Variants in NBPF12 observed in about 807,000 individuals in gnomAD.
NBPF12 encodes NBPF member 12, also known as NBPF family member NBPF12.
NBPF12 carries 115 observed loss-of-function variants against 146.4 expected under a neutral mutation model. The observed-to-expected ratio is 0.79, with a 90% CI of 0.68 to 0.92. The LOEUF is 0.92. Ranked by LOEUF, NBPF12 falls within the 40% of genes least tolerant of loss-of-function variation. The pLI is 0.00. For synonymous variants in NBPF12, 385 were observed against 508.9 expected, an observed-to-expected ratio of 0.76 and a Z score of 3.28; for missense variants, 1,205 against 1,326.8, an observed-to-expected ratio of 0.91 and a Z score of 1.43.
intron 6 of NBPF12, among the ~76,000 whole-genome samples, 192 bp from the exon 10 acceptor site, chr1:146,964,165 C>T (rs1260214687): frequency 6.7e-6 from 1 of 148,578 alleles, no homozygotes; most frequent in Non-Finnish European, 1.5e-5. Flanking sequence ...TGATGGTGGC[C>T]CTCCACATCA....
intron 5 of NBPF12, 65 bp downstream of exon 8, chr1:146,962,328 G>A (rs1414687666): frequency 3.3e-5 from 45 of 1,356,862 alleles, no homozygotes; most frequent in Middle Eastern, 2.5e-4. Flanking sequence ...ACAGCAGCTC[G>A]GCGGGGAGAA....
chr1:146,976,577 A>T (rs1657042893), intron 16 of NBPF12, among the ~76,000 whole-genome samples: 3 of 146,060 alleles, frequency 2.1e-5, no homozygotes, highest in Admixed American at 6.9e-5. Flanking sequence ...ATTAGGTTTG[A>T]AATGCAAACT....
chr1:146,972,644 C>G (rs1553886731), intron 13 of NBPF12, 107 bp from the exon 17 acceptor site: 1 of 1,011,780 alleles, frequency 9.9e-7, no homozygotes, highest in Admixed American at 1.7e-5. Flanking sequence ...GAAACAACAT[C>G]TTCAAATAAG....
At chr1:146,984,516 A>C (rs1657603368) in intron 21 of NBPF12, among the ~76,000 whole-genome samples, 1 of 150,552 alleles carries the variant, frequency 6.6e-6, no homozygotes, top group Non-Finnish European at 1.5e-5. Context: ...GAGAGCACAA[A>C]TACAGAGTGT....
intron 10 of NBPF12, 140 bp from the exon 14 acceptor site, chr1:146,969,242 A>C: frequency 9.3e-7 from 1 of 1,069,634 alleles, no homozygotes; most frequent in Non-Finnish European, 1.4e-6. Flanking sequence ...TCTCTTGGCC[A>C]CAGTCATTCC....
At chr1:146,946,366 G>A (rs1324721865), upstream of NBPF12, among the ~76,000 whole-genome samples, 6 of 151,250 alleles carry the variant, frequency 4.0e-5, no homozygotes, top group African/African-American at 9.8e-5. Context: ...TGTGTTCACC[G>A]TTTTGTGTTT....
At chr1:146,938,348 G>A (rs1363074530), upstream of NBPF12, among the ~76,000 whole-genome samples, 3 of 152,128 alleles carry the variant, frequency 2.0e-5, no homozygotes, top group Non-Finnish European at 2.9e-5. Context: ...GGGGCGGTGC[G>A]GCAGCGCGAA....
intron 1 of NBPF12, among the ~76,000 whole-genome samples, chr1:146,940,358 T>C (rs1654743005): frequency 6.6e-6 from 1 of 151,860 alleles, no homozygotes; most frequent in Non-Finnish European, 1.5e-5. Flanking sequence ...AATTCCAGCA[T>C]TTCGGGAGGC....
chr1:146,963,741 T>A (rs1325438332), intron 6 of NBPF12, among the ~76,000 whole-genome samples: 1 of 149,520 alleles, frequency 6.7e-6, no homozygotes, highest in Admixed American at 6.7e-5. Flanking sequence ...AATTGTTTCT[T>A]GCAAGGGTCT....
At chr1:146,971,101 T>A in intron 12 of NBPF12, 82 bp from the exon 16 acceptor site, 18 of 1,602,534 alleles carry the variant, frequency 1.1e-5, no homozygotes, top group Non-Finnish European at 1.5e-5. Context: ...TAATGCCGCT[T>A]GTCAAAACCA....
At chr1:146,973,071 A>C in intron 14 of NBPF12, 111 bp downstream of exon 17, 1 of 663,968 alleles carries the variant, frequency 1.5e-6, no homozygotes. Flanking sequence ...CCATACTTCT[A>C]GGAAAACAGA....
chr1:146,961,656 A>G (rs1236849262), intron 4 of NBPF12, among the ~76,000 whole-genome samples: 5 of 152,026 alleles, frequency 3.3e-5, no homozygotes, highest in African/African-American at 9.7e-5. Flanking sequence ...TATGCTTCAG[A>G]TATGATTCTT....
At chr1:146,962,413 G>C (rs1409509468) in intron 5 of NBPF12, 150 bp downstream of exon 8, 13 of 666,274 alleles carry the variant, frequency 2.0e-5, no homozygotes, top group African/African-American at 3.7e-5. Flanking sequence ...ATTTATCAGA[G>C]AACAAGGATA....
intron 4 of NBPF12, 41 bp from the exon 8 acceptor site, chr1:146,962,120 C>A: frequency 1.2e-6 from 2 of 1,600,668 alleles, no homozygotes; most frequent in East Asian, 4.5e-5. Flanking sequence ...AGCAGCATGT[C>A]CAGCCTTCCA....
upstream of NBPF12, among the ~76,000 whole-genome samples, chr1:146,944,394 G>T (rs1570810004): frequency 6.9e-6 from 1 of 145,396 alleles, no homozygotes; most frequent in African/African-American, 2.5e-5. Context: ...TCCTGGGGGA[G>T]TGGGAGCCAG....
At chr1:146,989,266 G>A (rs1415735913) in intron 27 of NBPF12, among the ~76,000 whole-genome samples, 1 of 143,244 alleles carries the variant, frequency 7.0e-6, no homozygotes, top group South Asian at 2.2e-4. Flanking sequence ...TGTCATGAGG[G>A]CACTAACTCA....
At chr1:146,951,245 G>A (rs1655312858) in intron 1 of NBPF12, 103 bp from the exon 5 acceptor site, 3 of 675,282 alleles carry the variant, frequency 4.4e-6, no homozygotes, top group Admixed American at 2.2e-5. Context: ...GGGCACTCAA[G>A]TGAACAGGGC....
At chr1:146,964,261 C>G (rs1656048737) in intron 6 of NBPF12, 96 bp from the exon 10 acceptor site, 5 of 1,554,166 alleles carry the variant, frequency 3.2e-6, no homozygotes, top group East Asian at 2.2e-5. Flanking sequence ...CAATGCTGAA[C>G]CATACATAGA....
exon 25 of NBPF12, chr1:146,987,262 AGAC>A (rs1657826589): frequency 2.8e-6 from 2 of 707,554 alleles, no homozygotes; most frequent in African/African-American, 3.5e-5. Flanking sequence ...AAGAGGAAGA[AGAC>A]CAAGGCCCAC....
Sources: gnomAD v4.1 joint callset for allele counts (sites outside exome capture counted in the v4.1 genomes callset) on GRCh38, gnomAD v4.1.1 for gene constraint, MANE v1.5 for transcripts, NCBI Gene and HGNC (gene_info 2026-07-23, HGNC 2026-07-21) for gene names.